The following CSGALNACT1 variants were observed in gnomAD, a reference collection of about 807,000 sequenced individuals.
CSGALNACT1 encodes chondroitin sulfate N-acetylgalactosaminyltransferase 1, also known as beta4GalNAcT-1.
CSGALNACT1 carries 52 observed loss-of-function variants against 51.0 expected under a neutral mutation model. The ratio of observed to expected loss-of-function variants is 1.02; its 90% confidence interval spans 0.82 to 1.29. The LOEUF is 1.29. CSGALNACT1 is among the 50% of genes most tolerant of loss of function. The pLI, the probability that CSGALNACT1 is intolerant of heterozygous loss-of-function variation, is 0.00. For missense variants in CSGALNACT1, 935 were observed against 679.2 expected (o/e 1.38, Z -4.19); for synonymous variants, 341 against 254.4 (o/e 1.34, Z -3.24).
At chr8:19,558,225 C>T (rs1185890994) in intron 3 of CSGALNACT1, among the ~76,000 whole-genome samples, 2 of 152,170 alleles carry the variant, frequency 1.3e-5, no homozygotes, top group Non-Finnish European at 2.9e-5. Flanking sequence ...TACATTTAAG[C>T]TACCTTTTGG....
intron 3 of CSGALNACT1, among the ~76,000 whole-genome samples, chr8:19,574,759 T>C (rs912820305): frequency 2.6e-5 from 4 of 152,036 alleles, no homozygotes; most frequent in African/African-American, 9.7e-5. Context: ...CGGCCAGATG[T>C]GGTGGCTCAC....
intron 4 of CSGALNACT1, among the ~76,000 whole-genome samples, chr8:19,484,287 G>A (rs1331313419): frequency 6.6e-6 from 1 of 152,120 alleles, no homozygotes; most frequent in Non-Finnish European, 1.5e-5. Context: ...ATCACATGCT[G>A]CAGTTGCTAA....
chr8:19,415,997 T>C (rs1398312617), intron 8 of CSGALNACT1, among the ~76,000 whole-genome samples: 1 of 152,200 alleles, frequency 6.6e-6, no homozygotes, highest in Non-Finnish European at 1.5e-5. Flanking sequence ...AAACATTTTC[T>C]TGTAAGTGTA....
At chr8:19,700,551 G>T (rs375449764) in intron 1 of CSGALNACT1, among the ~76,000 whole-genome samples, 1 of 152,118 alleles carries the variant, frequency 6.6e-6, no homozygotes, top group South Asian at 2.1e-4. Context: ...AATCAGGGAG[G>T]ACTTAGTGCA....
chr8:19,455,992 T>C (rs1306723122), intron 5 of CSGALNACT1, among the ~76,000 whole-genome samples: 2 of 152,150 alleles, frequency 1.3e-5, no homozygotes, highest in Admixed American at 6.5e-5. Flanking sequence ...GACATCCAAA[T>C]AGTAAAAGTC....
intron 1 of CSGALNACT1, among the ~76,000 whole-genome samples, chr8:19,720,581 C>T (rs188873481): frequency 2.0e-5 from 3 of 152,296 alleles, no homozygotes; most frequent in East Asian, 3.9e-4. Context: ...GAGGTAGTTT[C>T]GAGGAGTGGC....
chr8:19,460,353 A>T (rs756796553), intron 4 of CSGALNACT1, among the ~76,000 whole-genome samples: 11 of 152,122 alleles, frequency 7.2e-5, no homozygotes, highest in African/African-American at 2.7e-4. Context: ...TATTGTTGTT[A>T]ATCTCTTTCT....
At position 19,509,435 on chromosome 8, in the gene CSGALNACT1, A is replaced by G. The variant is rs189412628; in HGVS notation, c.-296-3305T>C. Among the ~76,000 whole-genome samples the G allele has an allele frequency of 6.4e-4, 98 of 152,102 alleles. 1 individual carries two copies. The highest frequency in any genetic ancestry group is 2.9e-5 in the Non-Finnish European group (2 of 67,954). The stretch of plus-strand genomic sequence containing the variant: ...AGGAGTTCAAGACCAGCCGGCCAAC[A>G]TGGTAAAACCCCGCCTCTACTAAAA... On this transcript the variant is annotated intron_variant, in intron 3 of 9. Transcript: ENST00000454498.
intron 3 of CSGALNACT1, among the ~76,000 whole-genome samples, chr8:19,576,105 G>T (rs1168635515): frequency 6.6e-6 from 1 of 152,110 alleles, no homozygotes; most frequent in Non-Finnish European, 1.5e-5. Flanking sequence ...CTCTGTGCAG[G>T]CTCCTCTGAT....
intron 3 of CSGALNACT1, among the ~76,000 whole-genome samples, chr8:19,507,902 C>T (rs1389856436): frequency 2.0e-5 from 3 of 152,268 alleles, no homozygotes; most frequent in East Asian, 3.8e-4. Context: ...GCTGGGATTA[C>T]AGGCGTGAGC....
chr8:19,423,595 G>C (rs1405914852), intron 6 of CSGALNACT1, among the ~76,000 whole-genome samples: 2 of 152,142 alleles, frequency 1.3e-5, no homozygotes, highest in Non-Finnish European at 2.9e-5. Flanking sequence ...TGGGAAAAGG[G>C]GTGGGAAGAA....
chr8:19,668,851 C>T (rs1281341187), intron 1 of CSGALNACT1, among the ~76,000 whole-genome samples: 1 of 152,154 alleles, frequency 6.6e-6, no homozygotes, highest in Non-Finnish European at 1.5e-5. Flanking sequence ...CTGTGCCCGG[C>T]CTGCCAATTT....
intron 1 of CSGALNACT1, among the ~76,000 whole-genome samples, chr8:19,733,259 G>T (rs1322124714): frequency 6.6e-6 from 1 of 152,092 alleles, no homozygotes; most frequent in East Asian, 1.9e-4. Context: ...TATATTCCAA[G>T]TTCACATTTT....
rs1277296499 is a variant in CSGALNACT1, at chr8:19,543,185, GC to G, written c.-296-37056del. Among the ~76,000 whole-genome samples the G allele has an allele frequency of 2.0e-5, 3 of 152,246 alleles. No individual in the cohort carries two copies. The East Asian group carries it at 5.8e-4, about 29-fold the overall frequency. On this transcript the variant is annotated intron_variant, in intron 3 of 9. Coordinates refer to ENST00000454498, the Ensembl canonical transcript of CSGALNACT1. The stretch of plus-strand genomic sequence containing the variant: ...GATACTATCATTTTCAGCTCCAGAT[GC>G]CCTTATCAAATGTGAAGCCTAATCT...
intron 5 of CSGALNACT1, among the ~76,000 whole-genome samples, chr8:19,447,931 G>A (rs2062418209): frequency 6.6e-6 from 1 of 152,250 alleles, no homozygotes; most frequent in East Asian, 1.9e-4. Context: ...TTTGGGGAAT[G>A]TAATGGTGTT....
chr8:19,723,288 T>G (rs940168337), intron 1 of CSGALNACT1, among the ~76,000 whole-genome samples: 1 of 152,242 alleles, frequency 6.6e-6, no homozygotes, highest in Non-Finnish European at 1.5e-5. Flanking sequence ...CATATGTGTG[T>G]GTTTAATATT....
intron 1 of CSGALNACT1, among the ~76,000 whole-genome samples, chr8:19,693,013 C>T (rs1458778763): frequency 6.6e-6 from 1 of 152,150 alleles, no homozygotes; most frequent in African/African-American, 2.4e-5. Context: ...GCCATCAGCC[C>T]CCATCAGCAC....
chr8:19,543,007 C>T (rs2085591325), intron 3 of CSGALNACT1, among the ~76,000 whole-genome samples: 2 of 152,126 alleles, frequency 1.3e-5, no homozygotes, highest in African/African-American at 4.8e-5. Context: ...AACAGTAAGA[C>T]TCAATTTAAA....
At chr8:19,407,283 C>A (rs150289366) in intron 9 of CSGALNACT1, among the ~76,000 whole-genome samples, 95 of 152,118 alleles carry the variant, frequency 6.2e-4, no homozygotes, top group African/African-American at 2.2e-3. Context: ...GTGGGTCTAC[C>A]CCTCGTCCCT....
Sources: gnomAD v4.1 joint callset for allele counts (sites outside exome capture counted in the v4.1 genomes callset) on GRCh38, gnomAD v4.1.1 for gene constraint, MANE v1.5 for transcripts, NCBI Gene and HGNC (gene_info 2026-07-23, HGNC 2026-07-21) for gene names.